Variants in MAP2K5 observed in about 807,000 individuals in gnomAD.
MAP2K5 encodes dual specificity mitogen-activated protein kinase kinase 5.
Under a neutral mutation model 83.1 loss-of-function variants are expected in MAP2K5, and 49 were observed. That is an observed-to-expected ratio of 0.59 (90% CI 0.47 to 0.75). The LOEUF (loss-of-function observed/expected upper bound fraction) is 0.75, where lower values mean the gene tolerates loss of function less well. MAP2K5 is among the 30% of genes least tolerant of loss of function. The pLI, the probability that MAP2K5 is intolerant of heterozygous loss-of-function variation, is 0.00. For missense variants in MAP2K5, 457 were observed against 557.5 expected (o/e 0.82, Z 1.82); for synonymous variants, 202 against 191.8 (o/e 1.05, Z -0.44).
At chr15:67,656,529 G>T (rs749216500) in intron 11 of MAP2K5, among the ~76,000 whole-genome samples, 1 of 151,878 alleles carries the variant, frequency 6.6e-6, no homozygotes, top group Non-Finnish European at 1.5e-5. Context: ...GGGTTTTGCC[G>T]TGTCTCCTAG....
At chr15:67,574,149 G>T (rs1321743462) in intron 3 of MAP2K5, among the ~76,000 whole-genome samples, 2 of 152,244 alleles carry the variant, frequency 1.3e-5, no homozygotes, top group Non-Finnish European at 2.9e-5. Context: ...TTTCTCAAGA[G>T]TGGCTTGGGG....
At chr15:67,696,848 G>A (rs2088276100) in intron 15 of MAP2K5, among the ~76,000 whole-genome samples, 1 of 151,972 alleles carries the variant, frequency 6.6e-6, no homozygotes, top group African/African-American at 2.4e-5. Flanking sequence ...GCGTGGTGGT[G>A]CATGCCTGTA....
At chr15:67,546,605 CT>C in intron 1 of MAP2K5, 3 of 985,662 alleles carry the variant, frequency 3.0e-6, no homozygotes, top group Non-Finnish European at 3.6e-6. Context: ...TTTGGGTCTT[CT>C]GTTTTGCAGC....
At chr15:67,701,010 A>G (rs2088403221) in intron 15 of MAP2K5, among the ~76,000 whole-genome samples, 1 of 151,976 alleles carries the variant, frequency 6.6e-6, no homozygotes, top group Admixed American at 6.6e-5. Flanking sequence ...GGCAAATGTA[A>G]TAAGTGTGTT....
intron 3 of MAP2K5, among the ~76,000 whole-genome samples, chr15:67,570,781 T>G (rs191580815): frequency 6.6e-6 from 1 of 152,228 alleles, no homozygotes; most frequent in Non-Finnish European, 1.5e-5. Context: ...GTTAGTTTAT[T>G]GATTATTGCT....
In MAP2K5 at chr15:67,543,307, C is replaced by A. The variant is rs1439541203; in HGVS notation, c.-29C>A. 12 of 1,613,700 alleles carry A rather than the reference C, an allele frequency of 7.4e-6. No individual in the cohort carries two copies. In the South Asian group the frequency reaches 9.9e-5, roughly 13 times the overall value. On this transcript the variant is annotated 5_prime_UTR_variant, in exon 1 of 22. Transcript: ENST00000178640. The surrounding 1 kb of genome is among the most constrained non-coding windows in gnomAD (Gnocchi z 4.3). The stretch of plus-strand genomic sequence containing the variant: ...ACCAGCGGCCAGTGGGTTTCCCATA[C>A]CCCAGGATGTGAGCCTCTTTAACCT...
rs541524714 is a variant in MAP2K5, at chr15:67,769,985, C to T, written c.1196+322C>T. ...ACACAATTTTATAGCCCCTACTGAA[C>T]GGACGTACGAAGCTTATTTTTATTA... On this transcript the variant is annotated intron_variant, in intron 20 of 21. Transcript: ENST00000178640. This position sits in a 1 kb window ranked among gnomAD's most constrained non-coding sequence, Gnocchi z 5.2. 21 of 211,598 alleles carry T rather than the reference C, an allele frequency of 9.9e-5. No individual in the cohort carries two copies. The highest frequency in any genetic ancestry group is 3.5e-4 in the African/African-American group (15 of 43,140). The allele number at this position is 211,598 out of a possible 1,614,324, so 13.1% of individuals were successfully genotyped here.
intron 20 of MAP2K5, among the ~76,000 whole-genome samples, chr15:67,771,590 C>T (rs1304039615): frequency 6.6e-6 from 1 of 152,092 alleles, no homozygotes; most frequent in East Asian, 1.9e-4. Context: ...TTTGGAATGT[C>T]AGATTAGGAC....
intron 9 of MAP2K5, among the ~76,000 whole-genome samples, 165 bp downstream of exon 9, chr15:67,631,092 C>T (rs1309479562): frequency 6.6e-6 from 1 of 152,156 alleles, no homozygotes; most frequent in Non-Finnish European, 1.5e-5. Context: ...ACCTGAAGAT[C>T]TTTTAAGTAT....
intron 16 of MAP2K5, among the ~76,000 whole-genome samples, chr15:67,726,500 T>C (rs977690655): frequency 2.0e-5 from 3 of 152,366 alleles, no homozygotes; most frequent in South Asian, 2.1e-4. Context: ...GAAATAGGTA[T>C]TCTGTTAATT....
rs949543218 is a variant in MAP2K5 at position 67,698,396 on chromosome 15, G to T, written c.972+4828G>T. ...AGAGATGGGGGGTTGCGCCATGTTG[G>T]CCATGCTGGTCTCGAACTCCTGGCC... On this transcript the variant is annotated intron_variant, in intron 15 of 21. Transcript: ENST00000178640. The surrounding 1 kb of genome is among the most constrained non-coding windows in gnomAD (Gnocchi z 4.5). Among the ~76,000 whole-genome samples, 6 of 152,118 alleles carry T rather than the reference G, an allele frequency of 3.9e-5. No homozygotes were observed. Among genetic ancestry groups the T allele is most frequent in the South Asian group, 4.2e-4 (2 of 4,808 alleles).
intron 21 of MAP2K5, among the ~76,000 whole-genome samples, chr15:67,804,142 C>T (rs923469902): frequency 6.6e-6 from 1 of 152,148 alleles, no homozygotes; most frequent in Non-Finnish European, 1.5e-5. Flanking sequence ...GCCGTCACGA[C>T]CCCCCGCCTG....
intron 15 of MAP2K5, among the ~76,000 whole-genome samples, chr15:67,694,802 A>G (rs1048702038): frequency 2.6e-4 from 40 of 152,082 alleles, no homozygotes; most frequent in African/African-American, 9.2e-4. Flanking sequence ...ATAAAGACAC[A>G]TGCACACGTA....
At chr15:67,740,234 G>A (rs183197970) in intron 17 of MAP2K5, among the ~76,000 whole-genome samples, 1 of 152,214 alleles carries the variant, frequency 6.6e-6, no homozygotes, top group Admixed American at 6.5e-5. Flanking sequence ...ATAGCATAAG[G>A]ACTTAATAAA....
chr15:67,620,241 G>A (rs1266086119), intron 8 of MAP2K5, among the ~76,000 whole-genome samples: 1 of 151,900 alleles, frequency 6.6e-6, no homozygotes, highest in Non-Finnish European at 1.5e-5. Context: ...TGTGATGGTG[G>A]GCACCTGTAG....
In MAP2K5 at chr15:67,790,147, G is replaced by C. The variant is rs1319125922; in HGVS notation, c.1243-16499G>C. 1.3e-5 allele frequency among the ~76,000 whole-genome samples: 2 copies of C among 152,194 alleles called. No homozygotes were observed. Among genetic ancestry groups the C allele is most frequent in the Non-Finnish European group, 2.9e-5 (2 of 68,024 alleles). ...GCTTGGAAATTGCAAGGCAGAGCTGGATTGAACTTCCTTTAAAGCAGCCTG... is the reference window on the plus strand; with the variant it reads ...GCTTGGAAATTGCAAGGCAGAGCTGCATTGAACTTCCTTTAAAGCAGCCTG... On this transcript the variant is annotated intron_variant, in intron 21 of 21. Transcript: ENST00000178640. This position sits in a 1 kb window ranked among gnomAD's most constrained non-coding sequence, Gnocchi z 4.6.
intron 8 of MAP2K5, among the ~76,000 whole-genome samples, chr15:67,601,964 T>C (rs1364642003): frequency 1.3e-5 from 2 of 152,242 alleles, no homozygotes; most frequent in African/African-American, 4.8e-5. Context: ...GATGACTGAG[T>C]ATTGTGAACA....
chr15:67,573,556 T>G lies in MAP2K5; in HGVS notation c.253-7198T>G, dbSNP rs2583575. Among the ~76,000 whole-genome samples the G allele has an allele frequency of 1, 151,829 of 152,156 alleles. 75,752 individuals carry two copies. Among genetic ancestry groups the G allele is most frequent in the Non-Finnish European group, 1 (68,022 of 68,022 alleles). ...ATTAAACATGAGATTTGTGGGCGGG[T>G]ACACAAATCCAAACCATATCAGACT... On this transcript the variant is annotated intron_variant, in intron 3 of 21. Coordinates refer to ENST00000178640, the MANE Select transcript of MAP2K5 (RefSeq NM_145160.3). This position sits in a 1 kb window ranked among gnomAD's most constrained non-coding sequence, Gnocchi z 4.2.
chr15:67,586,937 G>T, intron 6 of MAP2K5, 24 bp downstream of exon 6: 1 of 1,613,156 alleles, frequency 6.2e-7, no homozygotes, highest in Non-Finnish European at 8.5e-7. Context: ...AGTAAAGTGT[G>T]CCCTTGATGT....
Sources: gnomAD v4.1 joint callset for allele counts (sites outside exome capture counted in the v4.1 genomes callset) on GRCh38, gnomAD v4.1.1 for gene constraint, Gnocchi (gnomAD v3.1) non-coding constraint, MANE v1.5 for transcripts, NCBI Gene and HGNC (gene_info 2026-07-23, HGNC 2026-07-21) for gene names.